Variants in ETS1 observed in about 807,000 individuals in gnomAD.
ETS1 encodes the protein ETS proto-oncogene 1, transcription factor, also known as protein C-ets-1.
In ETS1, 15 loss-of-function variants were observed where a neutral mutation model predicts 58.6. That is an observed-to-expected ratio of 0.26 (90% confidence interval 0.17 to 0.39). The LOEUF is 0.39. ETS1 is among the 10% of genes least tolerant of loss of function. The pLI, the probability that ETS1 is intolerant of heterozygous loss-of-function variation, is 1.00. For missense variants in ETS1, 417 were observed against 610.5 expected (o/e 0.68, Z 3.34); for synonymous variants, 214 against 218.2 (o/e 0.98, Z 0.17).
chr11:128,524,898 C>G (rs189426031), intron 3 of ETS1, among the ~76,000 whole-genome samples: 1 of 152,226 alleles, frequency 6.6e-6, no homozygotes, highest in East Asian at 1.9e-4. Flanking sequence ...CCTCTATCCC[C>G]AGCACTCACG....
intron 2 of ETS1, chr11:128,572,334 CA>C (rs1416639209): frequency 6.6e-6 from 1 of 150,986 alleles, no homozygotes; most frequent in Non-Finnish European, 1.5e-5. Context: ...AAAAAAAATT[CA>C]ACATTTATGA....
rs1266802962 is a variant in ETS1, at chr11:128,464,929, T to TA, written c.1124-1303dup. 2.0e-5 allele frequency among the ~76,000 whole-genome samples: 3 copies of TA among 152,224 alleles called. No individual in the cohort carries two copies. Among genetic ancestry groups the TA allele is most frequent in the Non-Finnish European group, 4.4e-5 (3 of 68,034 alleles). On this transcript the variant is annotated intron_variant, in intron 8 of 9. Transcript: ENST00000392668. The surrounding 1 kb of genome is among the most constrained non-coding windows in gnomAD (Gnocchi z 4.1). ...CTGTAAGGAGAGGCACAAGTGGTCT[T>TA]ACGGCTTCCTTTCTAATGGTGCAGA...
Position 128,486,085 on chromosome 11 carries a change from G to T in ETS1, c.597C>A (p.Thr199=). The change falls in exon 6 of 10, where the codon ACC becomes ACA. Residue 199 remains threonine (T), a synonymous_variant. Transcript: ENST00000392668. ...VNPAYPESRY[T]SDYFISYGIE... ...TGAACTTACTAATGAAGTAATCCGAGGTATAGCGGGATTCTGGATAGGCTG... is the reference window on the plus strand; with the variant it reads ...TGAACTTACTAATGAAGTAATCCGATGTATAGCGGGATTCTGGATAGGCTG... 2 of 1,608,314 alleles carry T rather than the reference G, an allele frequency of 1.2e-6. No homozygotes were observed. The highest frequency in any genetic ancestry group is 1.7e-6 in the Non-Finnish European group (2 of 1,174,856).
At chr11:128,544,380 C>A (rs979836085) in intron 3 of ETS1, among the ~76,000 whole-genome samples, 13 of 105,958 alleles carry the variant, frequency 1.2e-4, no homozygotes, top group African/African-American at 4.2e-4. Flanking sequence ...GAATTTCCCT[C>A]TTCTGTAGCC....
rs975608102 is a variant in ETS1 at position 128,459,088 on chromosome 11, A to G, written c.*3273T>C. ...ACAAGTTGGAAAATAGTCAAACACA[A>G]TATAACATCTTTTTCATCCCTATAC... On this transcript the variant is annotated 3_prime_UTR_variant, in exon 10 of 10. Transcript: ENST00000392668. 6.6e-6 allele frequency: 1 copy of G among 152,038 alleles called. No individual in the cohort carries two copies. The highest frequency in any genetic ancestry group is 2.4e-5 in the African/African-American group (1 of 41,380). The allele number at this position is 152,038 out of a possible 1,614,324, so 9.4% of individuals were successfully genotyped here. A position where few individuals can be genotyped will look rare whatever the true frequency, so the allele number is the denominator to read the frequency against.
chr11:128,541,930 C>T (rs2059166749), intron 3 of ETS1, among the ~76,000 whole-genome samples: 1 of 152,190 alleles, frequency 6.6e-6, no homozygotes, highest in South Asian at 2.1e-4. Context: ...ATAAGGGCTC[C>T]ACACGAGAAC....
intron 3 of ETS1, among the ~76,000 whole-genome samples, chr11:128,539,411 A>G (rs1864021292): frequency 6.6e-6 from 1 of 152,368 alleles, no homozygotes; most frequent in South Asian, 2.1e-4. Flanking sequence ...TTCTCCAAAG[A>G]AGGTATAAGA....
intron 3 of ETS1, among the ~76,000 whole-genome samples, chr11:128,523,622 T>C (rs1207845232): frequency 2.0e-5 from 3 of 152,214 alleles, no homozygotes; most frequent in Admixed American, 6.5e-5. Flanking sequence ...CTTGAAGCCT[T>C]AGTAATTTGC....
intron 3 of ETS1, among the ~76,000 whole-genome samples, chr11:128,540,061 C>T (rs1864031238): frequency 6.6e-6 from 1 of 152,118 alleles, no homozygotes; most frequent in Admixed American, 6.5e-5. Flanking sequence ...CCTGTAATCC[C>T]AGCACTTTGG....
Position 128,461,313 on chromosome 11 carries a change from T to G in ETS1, c.*1048A>C, listed in dbSNP as rs769260732. The stretch of plus-strand genomic sequence containing the variant: ...TTCCAAGTCATCTATGCTACAGATA[T>G]AGGACTAAGAAAGAACCAAGTCAAT... On this transcript the variant is annotated 3_prime_UTR_variant, in exon 10 of 10. Transcript: ENST00000392668. The G allele has an allele frequency of 1.3e-5, 2 of 152,794 alleles. No individual in the cohort carries two copies. The highest frequency in any genetic ancestry group is 2.9e-5 in the Non-Finnish European group (2 of 68,036). The allele number at this position is 152,794 out of a possible 1,614,324, so 9.5% of individuals were successfully genotyped here. A position where few individuals can be genotyped will look rare whatever the true frequency, so the allele number is the denominator to read the frequency against.
At chr11:128,506,966 G>C (rs1027657043) in intron 3 of ETS1, among the ~76,000 whole-genome samples, 2 of 152,168 alleles carry the variant, frequency 1.3e-5, no homozygotes, top group Non-Finnish European at 2.9e-5. Context: ...AGATTCTCAA[G>C]GGGAAGAAGT....
At chr11:128,475,882 T>TTGTGTGTGTGTG (rs61450075) in intron 8 of ETS1, among the ~76,000 whole-genome samples, 47 of 149,898 alleles carry the variant, frequency 3.1e-4, no homozygotes, top group African/African-American at 8.3e-4. Context: ...ACTAGTACCT[T>TTGTGTGTGTGTG]TGTGTGTGTG....
chr11:128,519,683 T>C (rs186419717), intron 3 of ETS1, among the ~76,000 whole-genome samples: 1 of 152,328 alleles, frequency 6.6e-6, no homozygotes, highest in African/African-American at 2.4e-5. Flanking sequence ...GCTGAGCTTT[T>C]GGAAGGTATC....
At chr11:128,567,053 A>G (rs1438741959) in intron 2 of ETS1, among the ~76,000 whole-genome samples, 1 of 152,232 alleles carries the variant, frequency 6.6e-6, no homozygotes, top group African/African-American at 2.4e-5. Flanking sequence ...AAGAAAGAAA[A>G]TGTACAAAAG....
chr11:128,585,292 TAGAA>T (rs1446118936), intron 1 of ETS1, among the ~76,000 whole-genome samples: 2 of 83,572 alleles, frequency 2.4e-5, no homozygotes, highest in African/African-American at 9.9e-5. Context: ...AAAAGAAAGA[TAGAA>T]AGGGAGGGAA....
At chr11:128,562,694 G>A (rs1431984062) in intron 2 of ETS1, among the ~76,000 whole-genome samples, 2 of 152,184 alleles carry the variant, frequency 1.3e-5, no homozygotes, top group Non-Finnish European at 2.9e-5. Flanking sequence ...TCTGCTCTGA[G>A]GTGAGCCAGC....
At chr11:128,496,526 T>C (rs1450270123) in intron 3 of ETS1, among the ~76,000 whole-genome samples, 1 of 152,136 alleles carries the variant, frequency 6.6e-6, no homozygotes, top group Non-Finnish European at 1.5e-5. Flanking sequence ...CCTTTACCCC[T>C]TCAGACCAAC....
rs946435125 is a variant in ETS1 at position 128,489,397 on chromosome 11, C to T, written c.428G>A (p.Cys143Tyr). The T allele has an allele frequency of 8.7e-6, 14 of 1,614,210 alleles. No homozygotes were observed. Among genetic ancestry groups the T allele is most frequent in the Non-Finnish European group, 1.2e-5 (14 of 1,180,030 alleles). ...GGCGCAGAGGGCTGCTCCATTCATA[C>T]AGAACTTCTGGAAGTCTACACCTTT... ...SLKGVDFQKF[C>Y]MNGAALCALG... The change falls in exon 5 of 10, where the codon TGT becomes TAT. Residue 143 changes from cysteine to tyrosine, a missense_variant. Coordinates refer to ENST00000392668, the MANE Select transcript of ETS1 (RefSeq NM_001143820.2).
At chr11:128,517,232 C>G (rs962909287) in intron 3 of ETS1, among the ~76,000 whole-genome samples, 2 of 152,212 alleles carry the variant, frequency 1.3e-5, no homozygotes, top group Admixed American at 1.3e-4. Flanking sequence ...CAGGGAGCCA[C>G]TGTACCTCCT....
Sources: allele counts gnomAD v4.1 joint callset (sites outside exome capture counted in the v4.1 genomes callset), GRCh38; gene constraint gnomAD v4.1.1; non-coding constraint Gnocchi (gnomAD v3.1); transcripts MANE v1.5; gene names NCBI Gene and HGNC (gene_info 2026-07-23, HGNC 2026-07-21).